Variants in AOPEP observed in about 807,000 individuals in gnomAD.
AOPEP encodes aminopeptidase O.
AOPEP carries 77 observed loss-of-function variants against 98.1 expected under a neutral mutation model. The observed-to-expected ratio is 0.78, with a 90% CI of 0.65 to 0.95. The LOEUF (loss-of-function observed/expected upper bound fraction) is 0.95. Among genes scored for constraint, AOPEP ranks in the 40% least tolerant of loss-of-function variants. The pLI is 0.00. For missense variants in AOPEP, 1,024 were observed against 1,024.7 expected (o/e 1.00, Z 0.01); for synonymous variants, 346 against 365.3 (o/e 0.95, Z 0.60).
chr9:95,109,086 T>G, the AOPEP span, among the ~76,000 whole-genome samples: 3 of 152,206 alleles, frequency 2.0e-5, no homozygotes, highest in African/African-American at 7.2e-5. Flanking sequence ...ATTTCTTTAT[T>G]TATTTTTTTG....
At position 94,987,389 on chromosome 9, in the gene AOPEP, A is replaced by T. The variant is rs1298136630; in HGVS notation, c.1977+7962A>T. Among the ~76,000 whole-genome samples the T allele has an allele frequency of 2.0e-5, 3 of 152,370 alleles. No homozygotes were observed. In the East Asian group the frequency reaches 5.8e-4, roughly 29 times the overall value. ...GGCCCTTACGGGCAGGGAGTGTGACATAACCAAGGTGTGCTGCTGGGAAAC... is the reference window on the plus strand; with the variant it reads ...GGCCCTTACGGGCAGGGAGTGTGACTTAACCAAGGTGTGCTGCTGGGAAAC... On this transcript the variant is annotated intron_variant, in intron 11 of 16. Coordinates refer to ENST00000375315, the MANE Select transcript of AOPEP (RefSeq NM_001193329.3).
At chr9:94,964,209 G>A (rs975186558) in intron 9 of AOPEP, among the ~76,000 whole-genome samples, 7 of 152,172 alleles carry the variant, frequency 4.6e-5, no homozygotes, top group Admixed American at 1.3e-4. Context: ...CCCCAGCATC[G>A]CTGGCAGCCT....
intron 9 of AOPEP, among the ~76,000 whole-genome samples, chr9:94,960,396 G>A (rs1441188100): frequency 6.8e-6 from 1 of 147,478 alleles, no homozygotes; most frequent in Admixed American, 6.8e-5. Flanking sequence ...GGGACAGAAC[G>A]AGACTCCATC....
chr9:95,111,106 C>T, the AOPEP span: 7 of 1,522,340 alleles, frequency 4.6e-6, no homozygotes, highest in Non-Finnish European at 6.2e-6. Flanking sequence ...GGCTCTGCTG[C>T]CGGCACACCC....
rs115022559 is a variant in AOPEP at position 95,079,513 on chromosome 9, G to A, written c.2233-1181G>A. On this transcript the variant is annotated intron_variant, in intron 14 of 16. Coordinates refer to ENST00000375315, the MANE Select transcript of AOPEP (RefSeq NM_001193329.3). The stretch of plus-strand genomic sequence containing the variant: ...AAAATGGTTGACGTGGTATAACTGA[G>A]AGTGCTTTGATGCAGTAGAAAAAGG... Among the ~76,000 whole-genome samples the A allele has an allele frequency of 7.4e-3, 1,123 of 152,314 alleles. 20 individuals are homozygous for A. The highest frequency in any genetic ancestry group is 0.026 in the African/African-American group (1,084 of 41,550).
chr9:94,728,612 A>C (rs1047191565), intron 1 of AOPEP, among the ~76,000 whole-genome samples: 1 of 152,164 alleles, frequency 6.6e-6, no homozygotes, highest in African/African-American at 2.4e-5. Flanking sequence ...TCCTGTAAGA[A>C]GAGACTGGAA....
intron 3 of AOPEP, among the ~76,000 whole-genome samples, chr9:94,791,530 G>A (rs1015517764): frequency 1.3e-5 from 2 of 151,998 alleles, no homozygotes; most frequent in Non-Finnish European, 2.9e-5. Flanking sequence ...TAAGCTGTGT[G>A]TGGTGGCACA....
At chr9:94,940,262 T>A (rs1408990487) in intron 7 of AOPEP, among the ~76,000 whole-genome samples, 1 of 152,186 alleles carries the variant, frequency 6.6e-6, no homozygotes, top group East Asian at 1.9e-4. Flanking sequence ...ATTTAGAACA[T>A]GTATGTTAAG....
At chr9:94,947,408 G>T (rs1313214465) in intron 7 of AOPEP, among the ~76,000 whole-genome samples, 1 of 152,132 alleles carries the variant, frequency 6.6e-6, no homozygotes, top group Non-Finnish European at 1.5e-5. Context: ...CTCCTGAGTA[G>T]CTGGGACTAC....
At chr9:94,735,954 G>A (rs1826068771) in intron 1 of AOPEP, among the ~76,000 whole-genome samples, 2 of 152,254 alleles carry the variant, frequency 1.3e-5, no homozygotes, top group East Asian at 1.9e-4. Flanking sequence ...CACGTCTCAC[G>A]GTGTTCTCAA....
intron 10 of AOPEP, among the ~76,000 whole-genome samples, chr9:94,976,671 T>TC (rs2059865245): frequency 1.3e-5 from 2 of 150,490 alleles, no homozygotes; most frequent in Non-Finnish European, 3.0e-5. Flanking sequence ...TTTTTTTTTT[T>TC]CTTTTTGGGG....
chr9:94,876,204 T>A (rs533112632), intron 5 of AOPEP, among the ~76,000 whole-genome samples: 67 of 152,184 alleles, frequency 4.4e-4, no homozygotes, highest in Non-Finnish European at 9.0e-4. Flanking sequence ...ATTTTCATTG[T>A]TAGCCTGGTA....
At chr9:94,975,254 ATAAG>A (rs893785899) in intron 10 of AOPEP, among the ~76,000 whole-genome samples, 1 of 151,996 alleles carries the variant, frequency 6.6e-6, no homozygotes. Flanking sequence ...AATAATAATA[ATAAG>A]TAATAATAAT....
chr9:94,929,844 G>A (rs1202160835), intron 7 of AOPEP, among the ~76,000 whole-genome samples: 17 of 152,260 alleles, frequency 1.1e-4, no homozygotes, highest in Non-Finnish European at 4.4e-5. Context: ...CGCATAAGGA[G>A]GTGGGGAATT....
At chr9:94,941,015 C>G (rs915649342) in intron 7 of AOPEP, among the ~76,000 whole-genome samples, 4 of 152,156 alleles carry the variant, frequency 2.6e-5, no homozygotes, top group Admixed American at 1.3e-4. Context: ...GCAAGAATGC[C>G]TGGTTACAAA....
chr9:95,123,784 T>C, the AOPEP span: 1 of 699,512 alleles, frequency 1.4e-6, no homozygotes, highest in Non-Finnish European at 2.7e-6. Context: ...GGAATCGATC[T>C]TGTGAAGCCC....
At chr9:95,001,995 T>C (rs748495170) in intron 11 of AOPEP, among the ~76,000 whole-genome samples, 1 of 150,752 alleles carries the variant, frequency 6.6e-6, no homozygotes, top group Non-Finnish European at 1.5e-5. Context: ...CCCAGGATGG[T>C]GTTGAACTCT....
chr9:95,122,385 T>C, the AOPEP span, among the ~76,000 whole-genome samples: 1 of 152,096 alleles, frequency 6.6e-6, no homozygotes, highest in Non-Finnish European at 1.5e-5. Flanking sequence ...GGTCAAAAGA[T>C]GTAGATGGCC....
chr9:94,817,635 G>T (rs1480925669), intron 5 of AOPEP, among the ~76,000 whole-genome samples: 1 of 152,220 alleles, frequency 6.6e-6, no homozygotes, highest in Non-Finnish European at 1.5e-5. Flanking sequence ...CAGCAAGCAT[G>T]CCAATATCCA....
Sources: gnomAD v4.1 joint callset for allele counts (sites outside exome capture counted in the v4.1 genomes callset) on GRCh38, gnomAD v4.1.1 for gene constraint, MANE v1.5 for transcripts, NCBI Gene and HGNC (gene_info 2026-07-23, HGNC 2026-07-21) for gene names.